AOPEP: variants seen among roughly 807,000 people sequenced by gnomAD.
AOPEP encodes aminopeptidase O (putative), also known as aminopeptidase O.
Under a neutral mutation model 98.1 loss-of-function variants are expected in AOPEP, and 77 were observed. The ratio of observed to expected loss-of-function variants is 0.78; its 90% CI spans 0.65 to 0.95. The LOEUF (loss-of-function observed/expected upper bound fraction) is 0.95. Among genes scored for constraint, AOPEP ranks in the 40% least tolerant of loss-of-function variants. AOPEP has a pLI of 0.00. For synonymous variants in AOPEP, 346 were observed against 365.3 expected, an observed-to-expected ratio of 0.95 and a Z score of 0.60; for missense variants, 1,024 against 1,024.7, an observed-to-expected ratio of 1.00 and a Z score of 0.01.
At chr9:95,066,704 G>A (rs970877475) in intron 14 of AOPEP, among the ~76,000 whole-genome samples, 2 of 152,124 alleles carry the variant, frequency 1.3e-5, no homozygotes, top group Non-Finnish European at 2.9e-5. Flanking sequence ...TCTCCAGTCT[G>A]TATAGATTTT....
the AOPEP span, among the ~76,000 whole-genome samples, chr9:95,131,417 C>A: frequency 4.5e-4 from 69 of 152,176 alleles, no homozygotes; most frequent in Non-Finnish European, 8.4e-4. Flanking sequence ...GGGTTTTTCC[C>A]TCTCTCCCTT....
chr9:94,997,487 T>C (rs2061315249), intron 11 of AOPEP, among the ~76,000 whole-genome samples: 1 of 152,150 alleles, frequency 6.6e-6, no homozygotes, highest in South Asian at 2.1e-4. Flanking sequence ...AAGGCAGTGG[T>C]TCTCAATGCT....
chr9:94,936,379 C>T (rs1335557549), intron 7 of AOPEP, among the ~76,000 whole-genome samples: 1 of 152,180 alleles, frequency 6.6e-6, no homozygotes, highest in African/African-American at 2.4e-5. Context: ...TCAGCTCGGG[C>T]TGCCATAATA....
chr9:94,938,389 G>C (rs2056590426), intron 7 of AOPEP, among the ~76,000 whole-genome samples: 1 of 152,196 alleles, frequency 6.6e-6, no homozygotes, highest in South Asian at 2.1e-4. Context: ...TCCCAAGATA[G>C]ATAGGTAATC....
chr9:95,126,592 A>G, the AOPEP span: 5 of 1,613,888 alleles, frequency 3.1e-6, no homozygotes, highest in South Asian at 5.5e-5. Context: ...CTGTAAAAGG[A>G]GAAGACCATG....
the AOPEP span, among the ~76,000 whole-genome samples, chr9:95,121,595 C>T: frequency 1.3e-5 from 2 of 152,192 alleles, no homozygotes; most frequent in African/African-American, 4.8e-5. Context: ...CAAGTGCCTA[C>T]CAGCAGGAGG....
chr9:95,085,860 G>A (rs1423167249), intron 16 of AOPEP: 5 of 1,151,286 alleles, frequency 4.3e-6, no homozygotes, highest in African/African-American at 1.6e-5. Flanking sequence ...GGCTGTGAGC[G>A]GGGCGGGGCG....
intron 5 of AOPEP, among the ~76,000 whole-genome samples, chr9:94,880,353 CTTTTTCTT>C (rs1290357641): frequency 9.5e-5 from 14 of 147,854 alleles, no homozygotes; most frequent in African/African-American, 2.5e-4. Flanking sequence ...TTTTCTTTTT[CTTTTTCTT>C]TTTTTCTTTT....
At chr9:94,991,830 T>C (rs2060908967) in intron 11 of AOPEP, among the ~76,000 whole-genome samples, 1 of 152,238 alleles carries the variant, frequency 6.6e-6, no homozygotes, top group Non-Finnish European at 1.5e-5. Context: ...TAGGAAATAC[T>C]GGGCTCCATT....
intron 13 of AOPEP, among the ~76,000 whole-genome samples, chr9:95,032,472 A>G (rs2064398092): frequency 6.6e-6 from 1 of 152,268 alleles, no homozygotes; most frequent in Non-Finnish European, 1.5e-5. Flanking sequence ...CTGAAACAAA[A>G]GCCAGAGAGT....
intron 14 of AOPEP, among the ~76,000 whole-genome samples, chr9:95,075,640 G>A (rs1356767418): frequency 1.3e-5 from 2 of 152,202 alleles, no homozygotes; most frequent in Non-Finnish European, 2.9e-5. Context: ...AACACTTTCG[G>A]AAGCTTAAGG....
intron 9 of AOPEP, among the ~76,000 whole-genome samples, chr9:94,962,198 G>T (rs886205584): frequency 2.0e-5 from 3 of 152,144 alleles, no homozygotes; most frequent in Non-Finnish European, 4.4e-5. Context: ...AATTAATATT[G>T]TTCCTCCAAT....
At chr9:94,841,441 T>A (rs1437993899) in intron 5 of AOPEP, among the ~76,000 whole-genome samples, 1 of 152,220 alleles carries the variant, frequency 6.6e-6, no homozygotes, top group Non-Finnish European at 1.5e-5. Flanking sequence ...CCCAAAGTGC[T>A]GGGATTACAG....
rs537957616 is a variant in AOPEP at position 94,869,358 on chromosome 9, A to T, written c.1365-54628A>T. On this transcript the variant is annotated intron_variant, in intron 5 of 16. Coordinates refer to ENST00000375315, the MANE Select transcript of AOPEP (RefSeq NM_001193329.3). Reference sequence around the variant, plus strand: ...ATGTGTCTGAAGTTCCAAGTTTTTGATCCTTTAAGTTGTTGACTGTTAGTG... The same window carrying T: ...ATGTGTCTGAAGTTCCAAGTTTTTGTTCCTTTAAGTTGTTGACTGTTAGTG... Among the ~76,000 whole-genome samples the T allele has an allele frequency of 6.6e-5, 10 of 152,338 alleles. No homozygotes were observed. In the South Asian group the frequency reaches 1.9e-3, roughly 28 times the overall value.
chr9:94,729,636 A>G (rs1830059297), intron 1 of AOPEP, among the ~76,000 whole-genome samples: 2 of 152,000 alleles, frequency 1.3e-5, no homozygotes, highest in Admixed American at 6.6e-5. Context: ...TACTTCTGAA[A>G]CATTTATAAT....
At chr9:95,094,553 G>A in the AOPEP span, among the ~76,000 whole-genome samples, 7 of 152,178 alleles carry the variant, frequency 4.6e-5, no homozygotes, top group Non-Finnish European at 8.8e-5. Context: ...CCTGTTTTAG[G>A]GAGCTCATAT....
chr9:94,939,249 GAAA>G (rs34773746), intron 7 of AOPEP, among the ~76,000 whole-genome samples: 4 of 123,456 alleles, frequency 3.2e-5, no homozygotes, highest in Non-Finnish European at 3.4e-5. Flanking sequence ...CTTCGTGTCA[GAAA>G]AAAAAAAAAA....
At chr9:94,758,633 G>A (rs965284379) in intron 1 of AOPEP, among the ~76,000 whole-genome samples, 5 of 152,234 alleles carry the variant, frequency 3.3e-5, no homozygotes, top group Middle Eastern at 3.4e-3. Context: ...TTAGAAATAC[G>A]AAAATTATTT....
At position 94,928,444 on chromosome 9, in the gene AOPEP, G is replaced by T; in HGVS notation, c.1574G>T (p.Arg525Leu). ...TAQQLAPYEA[R>L]EQQELRACLR... ...GAGCAGCTGGCCCCCTATGAGGCCC[G>T]GGAGCAGCAGGAGCTGAGGGCTTGT... Residue 525 changes from arginine to leucine, a missense_variant, in exon 7 of 17, where the codon CGG (arginine) becomes CTG (leucine). Physicochemically the swap from Arg to Leu is moderately radical, Grantham distance 102. Around this residue, in one of 3 missense-constraint regions of AOPEP, gnomAD observed 566 missense variants for 551.7 expected, o/e 1.03. Coordinates refer to ENST00000375315, the MANE Select transcript of AOPEP (RefSeq NM_001193329.3). The T allele has an allele frequency of 6.5e-7, 1 of 1,548,890 alleles. No homozygotes were observed.
Sources: allele counts gnomAD v4.1 joint callset (sites outside exome capture counted in the v4.1 genomes callset), GRCh38; gene constraint gnomAD v4.1.1; regional missense constraint gnomAD v4.1.1; transcripts MANE v1.5; gene names NCBI Gene and HGNC (gene_info 2026-07-23, HGNC 2026-07-21).